IQSEC1: variants seen among roughly 807,000 people sequenced by gnomAD.
IQSEC1 encodes IQ motif and Sec7 domain ArfGEF 1, also known as IQ motif and SEC7 domain-containing protein 1.
In IQSEC1, 31 loss-of-function variants were observed where a neutral mutation model predicts 91.0. That is an observed-to-expected ratio of 0.34 (90% CI 0.26 to 0.46). The LOEUF (loss-of-function observed/expected upper bound fraction) is 0.46. IQSEC1 is among the 20% of genes least tolerant of loss of function. The pLI, the probability that IQSEC1 is intolerant of heterozygous loss-of-function variation, is 1.00. For synonymous variants in IQSEC1, 699 were observed against 662.6 expected (o/e 1.05, Z -0.84); for missense variants, 1,388 against 1,575.6 (o/e 0.88, Z 2.02).
chr3:13,055,411 T>A (rs1036426374), intron 1 of IQSEC1, among the ~76,000 whole-genome samples: 2 of 152,180 alleles, frequency 1.3e-5, no homozygotes, highest in African/African-American at 2.4e-5. Flanking sequence ...TGATGCTTCA[T>A]CCAATCTAGT....
intron 1 of IQSEC1, among the ~76,000 whole-genome samples, chr3:13,237,906 G>A (rs1346849970): frequency 2.0e-5 from 3 of 152,204 alleles, no homozygotes; most frequent in East Asian, 1.9e-4. Context: ...GGGGCGGGCC[G>A]AGGTCACTCC....
chr3:13,025,606 G>C (rs1231698445), intron 1 of IQSEC1, among the ~76,000 whole-genome samples: 2 of 152,214 alleles, frequency 1.3e-5, no homozygotes, highest in Admixed American at 1.3e-4. Context: ...CTCGCCTGTT[G>C]AGATGTGTCT....
At chr3:13,017,246 T>G (rs992192666) in intron 1 of IQSEC1, among the ~76,000 whole-genome samples, 1 of 152,200 alleles carries the variant, frequency 6.6e-6, no homozygotes, top group East Asian at 1.9e-4. Context: ...CCTGAAGGCA[T>G]CTTCATTTGT....
intron 1 of IQSEC1, among the ~76,000 whole-genome samples, chr3:13,270,837 CAA>C (rs778118552): frequency 6.6e-6 from 1 of 152,080 alleles, no homozygotes; most frequent in African/African-American, 2.4e-5. Flanking sequence ...AATCAAAAGG[CAA>C]AGACTGGTAG....
In IQSEC1 at chr3:12,899,198, G is replaced by GGCCAGCCA. The variant is rs958228598; in HGVS notation, c.*1777_*1784dup. On this transcript the variant is annotated 3_prime_UTR_variant, in exon 14 of 14. Coordinates refer to ENST00000613206, the MANE Select transcript of IQSEC1 (RefSeq NM_001134382.3). ...TGAGGAGGGAAATCGGCAAAACCCT[G>GGCCAGCCA]GCCAGCCAGCCAGCCAAGGTGACAC... 5 of 623,048 alleles carry GGCCAGCCA rather than the reference G, an allele frequency of 8.0e-6. No individual in the cohort carries two copies. The highest frequency in any genetic ancestry group is 5.6e-5 in the East Asian group (2 of 35,812). The allele number at this position is 623,048 out of a possible 1,614,324, so 38.6% of individuals were successfully genotyped here. A position where few individuals can be genotyped will look rare whatever the true frequency, so the allele number is the denominator to read the frequency against.
chr3:13,055,546 T>C (rs927018145), intron 1 of IQSEC1, among the ~76,000 whole-genome samples: 5 of 152,220 alleles, frequency 3.3e-5, no homozygotes, highest in Non-Finnish European at 5.9e-5. Context: ...CACCTAGCCA[T>C]GATCAGAGGC....
intron 2 of IQSEC1, among the ~76,000 whole-genome samples, chr3:13,131,013 G>A (rs1706604683): frequency 7.2e-6 from 1 of 138,282 alleles, no homozygotes; most frequent in African/African-American, 2.9e-5. Context: ...AGGGAAGGAA[G>A]GAACGGAAGG....
intron 1 of IQSEC1, among the ~76,000 whole-genome samples, chr3:13,199,843 G>A (rs201475299): frequency 0.065 from 4 of 62 alleles, 1 homozygote; most frequent in East Asian, 1. Flanking sequence ...AGCAGCCCCC[G>A]CAAGGGAAAC....
rs1324151446 is a variant in IQSEC1, at chr3:12,897,821, G to C, written c.*3162C>G. On this transcript the variant is annotated 3_prime_UTR_variant, in exon 14 of 14. Transcript: ENST00000613206. ...ACAAGAGGCTCCTGCTGCATGCAGTGTGTGAGGGAAAGATCACTGCACTGG... is the reference window on the plus strand; with the variant it reads ...ACAAGAGGCTCCTGCTGCATGCAGTCTGTGAGGGAAAGATCACTGCACTGG... The C allele has an allele frequency of 1.3e-5, 2 of 152,198 alleles. No homozygotes were observed. The highest frequency in any genetic ancestry group is 4.8e-5 in the African/African-American group (2 of 41,456). The allele number at this position is 152,198 out of a possible 1,614,324, so 9.4% of individuals were successfully genotyped here. A position where few individuals can be genotyped will look rare whatever the true frequency, so the allele number is the denominator to read the frequency against.
intron 1 of IQSEC1, among the ~76,000 whole-genome samples, chr3:12,954,748 C>T (rs943021280): frequency 6.6e-6 from 1 of 152,208 alleles, no homozygotes; most frequent in Non-Finnish European, 1.5e-5. Context: ...ATGGCAGGCG[C>T]TCAGTCTGAA....
chr3:13,095,629 G>A (rs1705941604), intron 2 of IQSEC1, among the ~76,000 whole-genome samples: 1 of 152,250 alleles, frequency 6.6e-6, no homozygotes, highest in Non-Finnish European at 1.5e-5. Context: ...GTGGCTCGGT[G>A]GGGACGCTGA....
At chr3:12,910,076 C>T (rs912229052) in intron 10 of IQSEC1, among the ~76,000 whole-genome samples, 1 of 152,222 alleles carries the variant, frequency 6.6e-6, no homozygotes, top group Non-Finnish European at 1.5e-5. Flanking sequence ...GTATATGCAG[C>T]CCATTACTGC....
rs370633865 is a variant in IQSEC1, at chr3:13,021,694, C to T, written c.23+51298G>A. The stretch of plus-strand genomic sequence containing the variant: ...GAAGGGACGCGTGTGAGCCCCATTT[C>T]GCTGGTGGGTAACAGGCTCAGAGAT... On this transcript the variant is annotated intron_variant, in intron 1 of 13. Transcript: ENST00000613206. Among the ~76,000 whole-genome samples the T allele has an allele frequency of 4.6e-5, 7 of 152,224 alleles. 1 individual carries two copies. The East Asian group carries it at 5.8e-4, about 13-fold the overall frequency.
intron 2 of IQSEC1, among the ~76,000 whole-genome samples, chr3:13,082,423 T>G (rs1253202674): frequency 6.6e-6 from 1 of 152,160 alleles, no homozygotes; most frequent in Admixed American, 6.5e-5. Context: ...ACCGCTACAA[T>G]GGCTGGGGTG....
intron 1 of IQSEC1, among the ~76,000 whole-genome samples, chr3:13,054,091 G>A (rs989268806): frequency 3.9e-5 from 6 of 152,194 alleles, no homozygotes; most frequent in Admixed American, 3.3e-4. Context: ...TGGAAAGCTG[G>A]TGGAGCCTGG....
chr3:12,911,433 G>A (rs557873052), intron 10 of IQSEC1, among the ~76,000 whole-genome samples, 196 bp downstream of exon 10: 1 of 152,350 alleles, frequency 6.6e-6, no homozygotes, highest in South Asian at 2.1e-4. Context: ...GTTATTACAT[G>A]AGGCTCAGCT....
intron 1 of IQSEC1, among the ~76,000 whole-genome samples, chr3:13,028,352 T>A (rs1703709206): frequency 6.6e-6 from 1 of 152,184 alleles, no homozygotes; most frequent in South Asian, 2.1e-4. Flanking sequence ...TGGCCTCTGT[T>A]TGTCAGCTGT....
chr3:13,098,363 A>C (rs1705999834), intron 2 of IQSEC1, among the ~76,000 whole-genome samples: 1 of 152,192 alleles, frequency 6.6e-6, no homozygotes, highest in South Asian at 2.1e-4. Flanking sequence ...GGAAGGTACC[A>C]CAGAGGAGGC....
At chr3:12,982,841 G>GTGCCTGCAA (rs1227157066) in intron 1 of IQSEC1, among the ~76,000 whole-genome samples, 3 of 152,242 alleles carry the variant, frequency 2.0e-5, no homozygotes, top group African/African-American at 4.8e-5. Context: ...CATCTGCTGT[G>GTGCCTGCAA]TGCCTGCCAT....
Sources: gnomAD v4.1 joint callset for allele counts (sites outside exome capture counted in the v4.1 genomes callset) on GRCh38, gnomAD v4.1.1 for gene constraint, MANE v1.5 for transcripts, NCBI Gene and HGNC (gene_info 2026-07-23, HGNC 2026-07-21) for gene names.